The following PHTF2 variants were observed in gnomAD, a reference collection of about 807,000 sequenced individuals.
PHTF2 encodes protein PHTF2.
A neutral mutation model predicts 101.2 loss-of-function variants in PHTF2; 60 were observed. The observed-to-expected ratio is 0.59, with a 90% confidence interval of 0.48 to 0.73. PHTF2 has a LOEUF of 0.73. Among genes scored for constraint, PHTF2 ranks in the 30% least tolerant of loss-of-function variants. The pLI is 0.00. For missense variants in PHTF2, 747 were observed against 908.7 expected, an observed-to-expected ratio of 0.82 and a Z score of 2.29; for synonymous variants, 311 against 307.3, an observed-to-expected ratio of 1.01 and a Z score of -0.13.
chr7:77,868,010 A>G (rs1263312576), intron 3 of PHTF2, among the ~76,000 whole-genome samples: 1 of 152,248 alleles, frequency 6.6e-6, no homozygotes, highest in African/African-American at 2.4e-5. Flanking sequence ...AGGATATCAT[A>G]AATATACCCA....
intron 3 of PHTF2, among the ~76,000 whole-genome samples, chr7:77,868,474 TG>T (rs1239508055): frequency 6.6e-6 from 1 of 151,842 alleles, no homozygotes; most frequent in Non-Finnish European, 1.5e-5. Context: ...CAGCCAAAAT[TG>T]AACTTTTTAT....
At chr7:77,826,882 A>G (rs896775955) in intron 1 of PHTF2, among the ~76,000 whole-genome samples, 2 of 152,230 alleles carry the variant, frequency 1.3e-5, no homozygotes, top group African/African-American at 4.8e-5. Flanking sequence ...ATACTGCTTG[A>G]TGATTAAATC....
At chr7:77,909,971 A>G (rs1052145025) in intron 8 of PHTF2, 3 of 242,810 alleles carry the variant, frequency 1.2e-5, no homozygotes, top group African/African-American at 6.7e-5. Flanking sequence ...TAGGGAAGAA[A>G]TGCTTTTGTA....
chr7:77,873,731 A>G (rs536822431), intron 3 of PHTF2, among the ~76,000 whole-genome samples: 1 of 152,238 alleles, frequency 6.6e-6, no homozygotes, highest in African/African-American at 2.4e-5. Flanking sequence ...AGAATTTACA[A>G]ACTCAGTGTC....
At chr7:77,917,939 G>A (rs181719286) in intron 9 of PHTF2, among the ~76,000 whole-genome samples, 176 of 152,262 alleles carry the variant, frequency 1.2e-3, no homozygotes, top group Middle Eastern at 0.01. Flanking sequence ...TACTGTTCTT[G>A]TCTGCTGAGA....
At chr7:77,947,978 A>G (rs1017438628) in intron 16 of PHTF2, among the ~76,000 whole-genome samples, 3 of 151,532 alleles carry the variant, frequency 2.0e-5, no homozygotes, top group African/African-American at 4.8e-5. Flanking sequence ...AGCTGGGATT[A>G]CAGGAGTGTG....
At chr7:77,908,101 G>A (rs927102280) in intron 7 of PHTF2, 3 of 152,110 alleles carry the variant, frequency 2.0e-5, no homozygotes, top group East Asian at 1.9e-4. Context: ...TAGGTCACTT[G>A]CCCATCTTTT....
intron 9 of PHTF2, 74 bp downstream of exon 8, chr7:77,910,483 A>G: frequency 1.0e-6 from 1 of 996,744 alleles, no homozygotes; most frequent in Non-Finnish European, 1.5e-6. Context: ...GTCTCAGGTA[A>G]TGAATATTAA....
chr7:77,827,656 T>G (rs1254060534), intron 1 of PHTF2, among the ~76,000 whole-genome samples: 2 of 151,910 alleles, frequency 1.3e-5, no homozygotes, highest in East Asian at 1.9e-4. Flanking sequence ...GCAGCCTTTT[T>G]TTTTGAGATG....
At chr7:77,955,862 TA>T (rs1375099878) in exon 20 of PHTF2, 1 of 152,352 alleles carries the variant, frequency 6.6e-6, no homozygotes, top group African/African-American at 2.4e-5. Context: ...TTGCTAGTTG[TA>T]AAACTGTATC....
rs555856577 is a variant in PHTF2 at position 77,931,576 on chromosome 7, A to G, written c.1338+2249A>G. ...AAAATTTAAAACCTGATAAATTTCA[A>G]TGTTGGCAAGAATGTGAAGAGAGAA... On this transcript the variant is annotated intron_variant, in intron 12 of 19. Transcript: ENST00000416283. 3.9e-5 allele frequency among the ~76,000 whole-genome samples: 6 copies of G among 152,334 alleles called. No homozygotes were observed. In the South Asian group the frequency reaches 8.3e-4, roughly 21 times the overall value.
intron 3 of PHTF2, among the ~76,000 whole-genome samples, chr7:77,884,232 A>G (rs1265668629): frequency 1.3e-5 from 2 of 152,238 alleles, no homozygotes; most frequent in East Asian, 3.8e-4. Flanking sequence ...TTTAAAATTA[A>G]AAAAGAAAAT....
intron 11 of PHTF2, among the ~76,000 whole-genome samples, chr7:77,928,778 C>T (rs13245154): frequency 0.16 from 24,715 of 152,172 alleles, 2,306 homozygotes; most frequent in African/African-American, 0.25. Flanking sequence ...TAATGTTCAC[C>T]GTGCAGACCG....
At chr7:77,875,734 T>C (rs553269746) in intron 3 of PHTF2, among the ~76,000 whole-genome samples, 2 of 152,094 alleles carry the variant, frequency 1.3e-5, no homozygotes, top group Admixed American at 1.3e-4. Flanking sequence ...ATTTTTTGTA[T>C]TTTTAGTAGA....
At chr7:77,893,556 T>G (rs896675816) in intron 3 of PHTF2, 52 bp from the exon 3 acceptor site, 4 of 740,710 alleles carry the variant, frequency 5.4e-6, no homozygotes, top group Non-Finnish European at 9.4e-6. Context: ...GAGTTATACC[T>G]ATTTGATGGG....
At chr7:77,948,154 GTTTTTC>G (rs1360310190) in intron 16 of PHTF2, among the ~76,000 whole-genome samples, 1 of 151,748 alleles carries the variant, frequency 6.6e-6, no homozygotes, top group Non-Finnish European at 1.5e-5. Flanking sequence ...TTTTCTTTTT[GTTTTTC>G]TTTTTTAAAT....
Position 77,834,344 on chromosome 7 carries a change from G to A in PHTF2, c.-35-5877G>A, listed in dbSNP as rs559043384. Among the ~76,000 whole-genome samples, 24 of 150,904 alleles carry A rather than the reference G, an allele frequency of 1.6e-4. No individual in the cohort carries two copies. In the South Asian group the frequency reaches 4.0e-3, roughly 25 times the overall value. ...AAAAAAAAAAAAAAAAATTTTAAAC[G>A]GAAGGAAGAAGCAGTTCCTGAGTTG... On this transcript the variant is annotated intron_variant, in intron 1 of 19. Coordinates refer to ENST00000416283, the Ensembl canonical transcript of PHTF2.
chr7:77,847,893 A>G (rs1796434130), intron 2 of PHTF2, among the ~76,000 whole-genome samples: 1 of 151,776 alleles, frequency 6.6e-6, no homozygotes, highest in South Asian at 2.1e-4. Context: ...TGATCACTCT[A>G]CTCTACATTT....
chr7:77,925,657 G>T (rs1430873192), intron 11 of PHTF2, among the ~76,000 whole-genome samples: 1 of 151,440 alleles, frequency 6.6e-6, no homozygotes, highest in Non-Finnish European at 1.5e-5. Context: ...TAGAGATGGG[G>T]TTTCGCCCTG....
Sources: gnomAD v4.1 joint callset for allele counts (sites outside exome capture counted in the v4.1 genomes callset) on GRCh38, gnomAD v4.1.1 for gene constraint, MANE v1.5 for transcripts, NCBI Gene and HGNC (gene_info 2026-07-23, HGNC 2026-07-21) for gene names.